The following NTRK3 variants were observed in gnomAD, a reference collection of about 807,000 sequenced individuals.
The protein encoded by NTRK3 is neurotrophic receptor tyrosine kinase 3.
A neutral mutation model predicts 91.7 loss-of-function variants in NTRK3; 24 were observed. The ratio of observed to expected loss-of-function variants is 0.26; its 90% CI spans 0.19 to 0.37. NTRK3 has a LOEUF of 0.37. Ranked by LOEUF, NTRK3 falls within the 10% of genes least tolerant of loss-of-function variation. NTRK3 has a pLI of 1.00. For synonymous variants in NTRK3, 483 were observed against 404.0 expected, an observed-to-expected ratio of 1.20 and a Z score of -2.34; for missense variants, 880 against 1,068.9, an observed-to-expected ratio of 0.82 and a Z score of 2.46.
intron 3 of NTRK3, among the ~76,000 whole-genome samples, chr15:88,249,106 G>T (rs1412215591): frequency 6.6e-6 from 1 of 152,138 alleles, no homozygotes; most frequent in East Asian, 1.9e-4. Flanking sequence ...GTCTGGGGAA[G>T]GAATCCTGAA....
intron 3 of NTRK3, among the ~76,000 whole-genome samples, chr15:88,214,378 T>G (rs2049538358): frequency 6.6e-6 from 1 of 152,164 alleles, no homozygotes; most frequent in South Asian, 2.1e-4. Context: ...CTACTCCATC[T>G]TCACAAGGCC....
At chr15:88,100,852 T>C (rs1276318676) in intron 13 of NTRK3, among the ~76,000 whole-genome samples, 1 of 152,170 alleles carries the variant, frequency 6.6e-6, no homozygotes, top group Non-Finnish European at 1.5e-5. Context: ...TTACACCTTA[T>C]ACAAAAATTA....
intron 13 of NTRK3, among the ~76,000 whole-genome samples, chr15:88,057,147 C>T (rs1238609834): frequency 1.6e-3 from 200 of 126,938 alleles, no homozygotes; most frequent in African/African-American, 5.8e-3. Context: ...CCAGCCTGGG[C>T]GACAGAGCGA....
At chr15:88,125,877 A>G (rs2053234592) in intron 13 of NTRK3, among the ~76,000 whole-genome samples, 1 of 152,216 alleles carries the variant, frequency 6.6e-6, no homozygotes, top group Non-Finnish European at 1.5e-5. Flanking sequence ...CGCCTTCCCA[A>G]CACAACTTCA....
chr15:88,175,894 C>G (rs981515342), intron 5 of NTRK3, among the ~76,000 whole-genome samples: 8 of 152,094 alleles, frequency 5.3e-5, no homozygotes, highest in Non-Finnish European at 8.8e-5. Flanking sequence ...AACTACTTAT[C>G]GAAATAACCA....
chr15:88,167,871 G>A (rs990340557), intron 5 of NTRK3, among the ~76,000 whole-genome samples: 2 of 152,154 alleles, frequency 1.3e-5, no homozygotes, highest in South Asian at 2.1e-4. Flanking sequence ...CTGATATGAG[G>A]TATGATCTAG....
chr15:87,974,136 C>T (rs143964438), intron 14 of NTRK3, among the ~76,000 whole-genome samples: 326 of 152,198 alleles, frequency 2.1e-3, no homozygotes, highest in Non-Finnish European at 3.6e-3. Flanking sequence ...GGAACTGGGA[C>T]GAGCCAGGGG....
intron 13 of NTRK3, among the ~76,000 whole-genome samples, chr15:88,093,285 G>C (rs376468737): frequency 6.6e-6 from 1 of 151,938 alleles, no homozygotes; most frequent in South Asian, 2.1e-4. Flanking sequence ...AATTCTGTCT[G>C]CAGGGAGTGG....
At chr15:88,222,800 T>A (rs2141600112) in intron 3 of NTRK3, among the ~76,000 whole-genome samples, 1 of 152,200 alleles carries the variant, frequency 6.6e-6, no homozygotes, top group East Asian at 1.9e-4. Flanking sequence ...ATTCTCACAA[T>A]CACCCTAGGA....
intron 18 of NTRK3, among the ~76,000 whole-genome samples, chr15:87,880,001 T>G (rs1326122931): frequency 1.3e-5 from 2 of 152,220 alleles, no homozygotes; most frequent in African/African-American, 4.8e-5. Context: ...GAAACATTTG[T>G]GATTTTTAAG....
rs1038153533 is a variant in NTRK3, at chr15:88,255,226, G to A, written c.248+680C>T. 5.3e-5 allele frequency among the ~76,000 whole-genome samples: 8 copies of A among 152,160 alleles called. No individual in the cohort carries two copies. In the East Asian group the frequency reaches 1.5e-3, roughly 29 times the overall value. ...GGAAGGGATCTGTAGGCGCCCAGAT[G>A]CAGATGAGGGTGGCAAAGGGGTGTC... On this transcript the variant is annotated intron_variant, in intron 3 of 18. Coordinates refer to ENST00000394480, the Ensembl canonical transcript of NTRK3. The surrounding 1 kb of genome is among the most constrained non-coding windows in gnomAD (Gnocchi z 4.3).
intron 18 of NTRK3, among the ~76,000 whole-genome samples, chr15:87,879,296 C>A (rs2065112282): frequency 6.6e-6 from 1 of 152,038 alleles, no homozygotes; most frequent in African/African-American, 2.4e-5. Flanking sequence ...AAACAGAAGA[C>A]CATAAAAAGA....
At chr15:87,980,424 T>C (rs531198581) in intron 14 of NTRK3, among the ~76,000 whole-genome samples, 6 of 152,328 alleles carry the variant, frequency 3.9e-5, no homozygotes, top group African/African-American at 1.2e-4. Context: ...TTTGTGTGCA[T>C]CTGTATGTTT....
intron 13 of NTRK3, 121 bp downstream of exon 13, chr15:88,126,150 A>T: frequency 1.3e-6 from 1 of 744,912 alleles, no homozygotes; most frequent in Non-Finnish European, 2.4e-6. Context: ...CATCAGTACC[A>T]GTTAGACCCC....
At chr15:88,052,412 GGTCA>G (rs1486873373) in intron 13 of NTRK3, among the ~76,000 whole-genome samples, 2 of 152,178 alleles carry the variant, frequency 1.3e-5, no homozygotes. Context: ...TTGGAACCCT[GGTCA>G]GTCAGACCGA....
At position 88,153,133 on chromosome 15, in the gene NTRK3, G is replaced by C. The variant is rs1378721117; in HGVS notation, c.396-5730C>G. Among the ~76,000 whole-genome samples the C allele has an allele frequency of 2.6e-5, 4 of 152,202 alleles. No homozygotes were observed. The South Asian group carries it at 8.3e-4, about 32-fold the overall frequency. ...TGACTTGCTGGCTGCAATCATTATGGTGCAAATCTTATTTCTTTCATCCAC... is the reference window on the plus strand; with the variant it reads ...TGACTTGCTGGCTGCAATCATTATGCTGCAAATCTTATTTCTTTCATCCAC... On this transcript the variant is annotated intron_variant, in intron 5 of 18. Transcript: ENST00000394480.
intron 5 of NTRK3, among the ~76,000 whole-genome samples, chr15:88,160,522 C>G (rs1053842757): frequency 6.6e-6 from 1 of 152,196 alleles, no homozygotes; most frequent in Admixed American, 6.5e-5. Flanking sequence ...ACCTCCTGCC[C>G]TGCCCCTTTT....
At chr15:88,254,214 CACAT>C (rs2053753057) in intron 3 of NTRK3, among the ~76,000 whole-genome samples, 3 of 152,292 alleles carry the variant, frequency 2.0e-5, no homozygotes, top group Admixed American at 2.0e-4. Context: ...ACCCCCTACA[CACAT>C]ACACATACAG....
chr15:88,216,320 C>G (rs1433741850), intron 3 of NTRK3, among the ~76,000 whole-genome samples: 2 of 152,212 alleles, frequency 1.3e-5, no homozygotes, highest in Non-Finnish European at 2.9e-5. Flanking sequence ...CCCGGAGGCT[C>G]AGCATCCTGG....
Sources: allele counts gnomAD v4.1 joint callset (sites outside exome capture counted in the v4.1 genomes callset), GRCh38; gene constraint gnomAD v4.1.1; non-coding constraint Gnocchi (gnomAD v3.1); transcripts MANE v1.5; gene names NCBI Gene and HGNC (gene_info 2026-07-23, HGNC 2026-07-21).